Variants in GALNTL5 observed in about 807,000 individuals in gnomAD.
GALNTL5 encodes the protein inactive polypeptide N-acetylgalactosaminyltransferase-like protein 5.
Under a neutral mutation model 51.0 loss-of-function variants are expected in GALNTL5, and 44 were observed. The ratio of observed to expected loss-of-function variants is 0.86; its 90% confidence interval spans 0.68 to 1.11. GALNTL5 has a LOEUF of 1.11. Ranked by LOEUF, GALNTL5 falls within the 50% of genes least tolerant of loss-of-function variation. The pLI is 0.00. For missense variants in GALNTL5, 528 were observed against 531.8 expected (o/e 0.99, Z 0.07); for synonymous variants, 192 against 182.8 (o/e 1.05, Z -0.41).
At chr7:152,007,449 G>T (rs1265508396) in intron 6 of GALNTL5, among the ~76,000 whole-genome samples, 1 of 136,376 alleles carries the variant, frequency 7.3e-6, no homozygotes, top group East Asian at 2.1e-4. Flanking sequence ...ACAGAGTCTG[G>T]CTCTGTCGTC....
At chr7:151,958,969 A>G (rs1415871271) in intron 1 of GALNTL5, among the ~76,000 whole-genome samples, 1 of 152,164 alleles carries the variant, frequency 6.6e-6, no homozygotes, top group Non-Finnish European at 1.5e-5. Flanking sequence ...GGGGAAGTAC[A>G]TGCTGGAAAG....
At chr7:151,963,071 T>C (rs1464582828) in intron 1 of GALNTL5, among the ~76,000 whole-genome samples, 1 of 152,272 alleles carries the variant, frequency 6.6e-6, no homozygotes, top group African/African-American at 2.4e-5. Flanking sequence ...AGATCAAGAA[T>C]TGATGCATAA....
chr7:152,007,737 A>AT lies in GALNTL5; in HGVS notation c.909-89dup. The AT allele has an allele frequency of 4.8e-6, 4 of 838,486 alleles. No homozygotes were observed. In the South Asian group the frequency reaches 5.8e-5, roughly 12 times the overall value. The allele number at this position is 838,486 out of a possible 1,614,324, so 51.9% of individuals were successfully genotyped here. ...CCGGCCTGTTTTCTCATTTTAAACTATAAGTTATTACTAATTTAATATAAT... is the reference window on the plus strand; with the variant it reads ...CCGGCCTGTTTTCTCATTTTAAACTATTAAGTTATTACTAATTTAATATAAT... On this transcript the variant is annotated intron_variant, in intron 6 of 8. Transcript: ENST00000392800.
Position 151,967,390 on chromosome 7 carries a change from T to C in GALNTL5, c.144T>C (p.Pro48=), listed in dbSNP as rs371497588. The C allele has an allele frequency of 1.9e-5, 30 of 1,613,914 alleles. No individual in the cohort carries two copies. Among genetic ancestry groups the C allele is most frequent in the Non-Finnish European group, 7.6e-6 (9 of 1,179,978 alleles). ...AGGAGCCTCTGTCAGCTTGGTCCCC[T>C]GGAAAAAAAGTGCATCAGCAAATTA... The part of the protein sequence containing the change: ...KSQEPLSAWS[P]GKKVHQQIIY... The change falls in exon 2 of 9, where the codon CCT becomes CCC. Residue 48 remains proline (P), a synonymous_variant. Coordinates refer to ENST00000392800, the MANE Select transcript of GALNTL5 (RefSeq NM_145292.4).
Position 151,988,613 on chromosome 7 carries a change from T to C in GALNTL5, c.658+1332T>C, listed in dbSNP as rs74717440. Among the ~76,000 whole-genome samples the C allele has an allele frequency of 7.0e-3, 1,061 of 152,142 alleles. 10 individuals carry two copies. Among genetic ancestry groups the C allele is most frequent in the African/African-American group, 0.022 (893 of 41,494 alleles). On this transcript the variant is annotated intron_variant, in intron 5 of 8. Transcript: ENST00000392800. ...AAAACCCAAGAGAAACCAAACACAA[T>C]ATGGAGAGCATCTTTTCAGACCCGC...
At chr7:152,012,965 C>G (rs1202299680) in intron 7 of GALNTL5, among the ~76,000 whole-genome samples, 1 of 152,018 alleles carries the variant, frequency 6.6e-6, no homozygotes, top group African/African-American at 2.4e-5. Flanking sequence ...AACCAGTGGA[C>G]TGGATAAAGA....
In GALNTL5 at chr7:152,015,883, A is replaced by C. The variant is rs140017213; in HGVS notation, c.1176+1090A>C. ...TCCATCCAGAAGCTATGTGTAAATA[A>C]ATACAAAAACCCCAGCAAAATCTCA... is the stretch of plus-strand genomic sequence containing the variant. On this transcript the variant is annotated intron_variant, in intron 8 of 8. Transcript: ENST00000392800. 9.4e-4 allele frequency among the ~76,000 whole-genome samples: 143 copies of C among 152,324 alleles called. 1 individual carries two copies. The highest frequency in any genetic ancestry group is 1.6e-3 in the Non-Finnish European group (111 of 68,030).
At position 151,975,842 on chromosome 7, in the gene GALNTL5, G is replaced by A. The variant is rs529450267; in HGVS notation, c.368+4777G>A. Among the ~76,000 whole-genome samples, 5 of 152,034 alleles carry A rather than the reference G, an allele frequency of 3.3e-5. No homozygotes were observed. In the South Asian group the frequency reaches 1.0e-3, roughly 32 times the overall value. On this transcript the variant is annotated intron_variant, in intron 3 of 8. Transcript: ENST00000392800. ...TCTTCTTTGGCCCATTGGTTGGTTA[G>A]GAACATGTTGTTTAATTTCCATATA...
intron 1 of GALNTL5, among the ~76,000 whole-genome samples, chr7:151,961,663 T>G (rs6979879): frequency 1.3e-5 from 2 of 152,054 alleles, no homozygotes; most frequent in Admixed American, 1.3e-4. Context: ...AGAGCTTGGA[T>G]TTACCTGCAG....
At position 151,972,254 on chromosome 7, in the gene GALNTL5, A is replaced by G. The variant is rs1375598809; in HGVS notation, c.368+1189A>G. 2.0e-5 allele frequency among the ~76,000 whole-genome samples: 3 copies of G among 152,318 alleles called. No homozygotes were observed. The South Asian group carries it at 6.2e-4, about 32-fold the overall frequency. ...ATGGAGATGAGGAACTTGTTGAGAAATGGAGTAAAGGTGACTCTTGTTATG... is the reference window on the plus strand; with the variant it reads ...ATGGAGATGAGGAACTTGTTGAGAAGTGGAGTAAAGGTGACTCTTGTTATG... On this transcript the variant is annotated intron_variant, in intron 3 of 8. Transcript: ENST00000392800.
At chr7:152,004,426 AAAT>A (rs1451029145) in intron 6 of GALNTL5, among the ~76,000 whole-genome samples, 1 of 151,610 alleles carries the variant, frequency 6.6e-6, no homozygotes, top group East Asian at 1.9e-4. Flanking sequence ...TTAAAAGAAA[AAAT>A]AAATTTTATT....
chr7:151,971,691 C>T (rs1022279610), intron 3 of GALNTL5, among the ~76,000 whole-genome samples: 14 of 152,110 alleles, frequency 9.2e-5, no homozygotes, highest in Non-Finnish European at 1.9e-4. Context: ...GAGTTGTAAT[C>T]CCAGGTGTCA....
chr7:152,015,383 G>A (rs180710975), intron 8 of GALNTL5, among the ~76,000 whole-genome samples: 502 of 143,176 alleles, frequency 3.5e-3, no homozygotes, highest in African/African-American at 0.013. Flanking sequence ...TTTTTGAGAC[G>A]GAGTCTTGCT....
In GALNTL5 at chr7:151,971,280, T is replaced by C. The variant is rs965943196; in HGVS notation, c.368+215T>C. The stretch of plus-strand genomic sequence containing the variant: ...TATAGTGTAGAGAATGTCTTCTTCG[T>C]GGGCACAAAATGTGTTCTAGAGGCT... On this transcript the variant is annotated intron_variant, in intron 3 of 8. Transcript: ENST00000392800. Among the ~76,000 whole-genome samples the C allele has an allele frequency of 2.0e-5, 3 of 152,182 alleles. No individual in the cohort carries two copies. In the South Asian group the frequency reaches 6.2e-4, roughly 32 times the overall value.
intron 4 of GALNTL5, 84 bp downstream of exon 4, chr7:151,983,236 G>A (rs2081317288): frequency 1.7e-6 from 2 of 1,190,882 alleles, no homozygotes; most frequent in Non-Finnish European, 2.5e-6. Flanking sequence ...GGAGTGCAGT[G>A]GTACCATCTC....
At position 152,005,613 on chromosome 7, in the gene GALNTL5, G is replaced by A. The variant is rs114042145; in HGVS notation, c.909-2214G>A. 4.9e-3 allele frequency among the ~76,000 whole-genome samples: 751 copies of A among 152,186 alleles called. 6 individuals carry two copies. The highest frequency in any genetic ancestry group is 0.017 in the African/African-American group (701 of 41,524). On this transcript the variant is annotated intron_variant, in intron 6 of 8. Coordinates refer to ENST00000392800, the MANE Select transcript of GALNTL5 (RefSeq NM_145292.4). The stretch of plus-strand genomic sequence containing the variant: ...ACATGAGTCCCTTATGAGATGGATG[G>A]GCCAGAAGGACCTACTAAACCAATC...
intron 1 of GALNTL5, among the ~76,000 whole-genome samples, chr7:151,964,225 T>C (rs551003754): frequency 1.1e-4 from 16 of 152,334 alleles, no homozygotes; most frequent in Admixed American, 6.5e-5. Flanking sequence ...TGACCTCATA[T>C]AACCATAATT....
intron 5 of GALNTL5, among the ~76,000 whole-genome samples, chr7:151,999,431 C>T (rs1184101413): frequency 6.6e-6 from 1 of 152,188 alleles, no homozygotes; most frequent in African/African-American, 2.4e-5. Context: ...GAGGAGCTGC[C>T]AAGCTCTTTT....
chr7:152,013,282 AC>A (rs2081762860), intron 7 of GALNTL5, among the ~76,000 whole-genome samples: 1 of 151,812 alleles, frequency 6.6e-6, no homozygotes. Context: ...TGTGCTCAAA[AC>A]CCCCAGACAT....
Sources: allele counts gnomAD v4.1 joint callset (sites outside exome capture counted in the v4.1 genomes callset), GRCh38; gene constraint gnomAD v4.1.1; transcripts MANE v1.5; gene names NCBI Gene and HGNC (gene_info 2026-07-23, HGNC 2026-07-21).